DHX57: variants seen among roughly 807,000 people sequenced by gnomAD.
DHX57 encodes the protein DExH-box helicase 57, also known as putative ATP-dependent RNA helicase DHX57.
Under a neutral mutation model 156.2 loss-of-function variants are expected in DHX57, and 105 were observed. The observed-to-expected ratio is 0.67, with a 90% CI of 0.57 to 0.79. The LOEUF (loss-of-function observed/expected upper bound fraction) is 0.79. Ranked by LOEUF, DHX57 falls within the 30% of genes least tolerant of loss-of-function variation. The pLI is 0.00. For synonymous variants in DHX57, 704 were observed against 595.6 expected, an observed-to-expected ratio of 1.18 and a Z score of -2.65; for missense variants, 1,847 against 1,661.9, an observed-to-expected ratio of 1.11 and a Z score of -1.94.
At chr2:38,851,642 TCTC>T (rs2124904045) in intron 9 of DHX57, among the ~76,000 whole-genome samples, 1 of 152,314 alleles carries the variant, frequency 6.6e-6, no homozygotes, top group Admixed American at 6.5e-5. Flanking sequence ...TAAAAATCTT[TCTC>T]CTATTTTAGC....
chr2:38,816,802 C>G (rs1266601937), intron 19 of DHX57, among the ~76,000 whole-genome samples: 2 of 151,964 alleles, frequency 1.3e-5, no homozygotes, highest in African/African-American at 4.8e-5. Flanking sequence ...TAATTGAAAT[C>G]TTAATAAAAA....
chr2:38,836,828 T>C (rs1159566431), intron 13 of DHX57, among the ~76,000 whole-genome samples: 1 of 147,572 alleles, frequency 6.8e-6, no homozygotes, highest in Non-Finnish European at 1.5e-5. Context: ...ATGTAATACA[T>C]ATGACATACA....
At chr2:38,874,158 C>T (rs979913076) in intron 1 of DHX57, among the ~76,000 whole-genome samples, 1 of 151,982 alleles carries the variant, frequency 6.6e-6, no homozygotes, top group Admixed American at 6.6e-5. Flanking sequence ...GTGGTACGAT[C>T]ATAGCTTACT....
intron 9 of DHX57, among the ~76,000 whole-genome samples, chr2:38,851,736 C>A (rs1672603077): frequency 1.3e-5 from 2 of 152,308 alleles, no homozygotes; most frequent in South Asian, 4.1e-4. Flanking sequence ...AGCTACTCTT[C>A]ATATTCAAAA....
chr2:38,806,194 G>A (rs1669927749), intron 22 of DHX57, among the ~76,000 whole-genome samples: 1 of 152,170 alleles, frequency 6.6e-6, no homozygotes, highest in Non-Finnish European at 1.5e-5. Flanking sequence ...GGTGGGGGCA[G>A]AAGCCTCAGT....
intron 6 of DHX57, among the ~76,000 whole-genome samples, 198 bp downstream of exon 6, chr2:38,858,463 C>G (rs947338344): frequency 2.0e-5 from 3 of 152,140 alleles, no homozygotes; most frequent in African/African-American, 4.8e-5. Flanking sequence ...TGTGTGTTTG[C>G]TATGTACCAG....
intron 21 of DHX57, among the ~76,000 whole-genome samples, chr2:38,809,671 G>C (rs949878119): frequency 5.3e-5 from 8 of 151,816 alleles, no homozygotes; most frequent in Non-Finnish European, 5.9e-5. Context: ...CACCATATTG[G>C]CCAGGCTGAT....
intron 17 of DHX57, among the ~76,000 whole-genome samples, chr2:38,821,716 G>T (rs1244053973): frequency 6.6e-6 from 1 of 151,886 alleles, no homozygotes; most frequent in African/African-American, 2.4e-5. Flanking sequence ...AAAACCAAAA[G>T]TTGATTCTCT....
At chr2:38,833,107 A>G (rs545219191) in intron 13 of DHX57, among the ~76,000 whole-genome samples, 3 of 151,538 alleles carry the variant, frequency 2.0e-5, no homozygotes, top group African/African-American at 2.4e-5. Flanking sequence ...CAAAACTCCA[A>G]TTTCAGACAG....
At position 38,843,149 on chromosome 2, in the gene DHX57, G is replaced by C. The variant is rs576017775; in HGVS notation, c.2281C>G (p.Leu761Val). 59 of 1,614,166 alleles carry C rather than the reference G, an allele frequency of 3.7e-5. No individual in the cohort carries two copies. The East Asian group carries it at 1.2e-3, about 32-fold the overall frequency. The change falls in exon 12 of 24, where the codon CTT becomes GTT. Residue 761 changes from leucine to valine, a missense_variant. Leu to Val is a conservative substitution (Grantham distance 32). Transcript: ENST00000457308. ...RSMKQISKEK[L>V]KARRNRTAFE... is the part of the protein sequence containing the mutation. ...GCAGTTCTGTTCCGCCTTGCTTTAAGCTTTTCCTTTGAAATCTGTTTCATG... is the reference window on the plus strand; with the variant it reads ...GCAGTTCTGTTCCGCCTTGCTTTAACCTTTTCCTTTGAAATCTGTTTCATG...
At chr2:38,815,741 A>G (rs749186765) in intron 19 of DHX57, 86 bp from the exon 20 acceptor site, 34 of 1,548,404 alleles carry the variant, frequency 2.2e-5, no homozygotes, top group Non-Finnish European at 2.9e-5. Context: ...ATAAAAATGC[A>G]TTATTTCAGG....
chr2:38,826,564 A>T lies in DHX57; in HGVS notation c.2765T>A (p.Ile922Asn). Reference sequence around the variant, plus strand: ...ATCGATAACATAGACAACATCATCGATGGTTATGGATGTCTCAGCAATGTT... The same window carrying T: ...ATCGATAACATAGACAACATCATCGTTGGTTATGGATGTCTCAGCAATGTT... ...STNIAETSITIDDVVYVIDSG... is the reference protein window; with the variant it reads ...STNIAETSITNDDVVYVIDSG... Residue 922 changes from isoleucine (I) to asparagine (N), a missense_variant, in exon 15 of 24, where the codon ATC becomes AAC. Physicochemically the swap from Ile to Asn is moderately radical, Grantham distance 149. Coordinates refer to ENST00000457308, the MANE Select transcript of DHX57 (RefSeq NM_198963.3). 6.2e-7 allele frequency: 1 copy of T among 1,614,116 alleles called. No individual in the cohort carries two copies. Among genetic ancestry groups the T allele is most frequent in the Non-Finnish European group, 8.5e-7 (1 of 1,180,018 alleles).
At chr2:38,837,611 C>CA (rs55733950) in intron 13 of DHX57, among the ~76,000 whole-genome samples, 10 of 50,354 alleles carry the variant, frequency 2.0e-4, no homozygotes, top group African/African-American at 5.7e-4. Context: ...AACCCCGTCT[C>CA]AAAAAAAAAA....
chr2:38,874,735 T>C (rs748319831), intron 1 of DHX57, among the ~76,000 whole-genome samples: 3 of 152,164 alleles, frequency 2.0e-5, no homozygotes, highest in Non-Finnish European at 2.9e-5. Context: ...CAATCTGTGT[T>C]GGGTTGGGAA....
chr2:38,869,405 T>C (rs1017563098), intron 1 of DHX57, among the ~76,000 whole-genome samples: 1 of 152,212 alleles, frequency 6.6e-6, no homozygotes, highest in Non-Finnish European at 1.5e-5. Context: ...GCCAACTAGT[T>C]TGCAGGAAGC....
chr2:38,806,368 T>G (rs1669934995), intron 22 of DHX57, 191 bp downstream of exon 22: 1 of 590,948 alleles, frequency 1.7e-6, no homozygotes, highest in Non-Finnish European at 2.7e-6. Context: ...TCAGTAGAAT[T>G]TTCTTCAAAT....
chr2:38,863,926 T>G (rs1664903880), intron 2 of DHX57, among the ~76,000 whole-genome samples: 1 of 151,908 alleles, frequency 6.6e-6, no homozygotes, highest in Non-Finnish European at 1.5e-5. Flanking sequence ...GGCAGGAGAA[T>G]CACTTGAACT....
chr2:38,848,725 C>T (rs1672421156), intron 9 of DHX57, among the ~76,000 whole-genome samples: 1 of 152,092 alleles, frequency 6.6e-6, no homozygotes, highest in Non-Finnish European at 1.5e-5. Context: ...TTCATATATA[C>T]CTTATATACA....
In DHX57 at chr2:38,861,576, C is replaced by T; in HGVS notation, c.834G>A (p.Leu278=). Residue 278 remains leucine, a synonymous_variant, in exon 5 of 24, where the codon CTG becomes CTA. Coordinates refer to ENST00000457308, the MANE Select transcript of DHX57 (RefSeq NM_198963.3). ...TGCGGAATCTACTTGTCAGATACTC[C>T]AGTTCTAACCCAATGGTCCAGACTC... The part of the protein sequence containing the change: ...QNRVWTIGLE[L]EYLTSRFRKS... 1 of 1,614,136 alleles carries T rather than the reference C, an allele frequency of 6.2e-7. No homozygotes were observed. The highest frequency in any genetic ancestry group is 8.5e-7 in the Non-Finnish European group (1 of 1,180,034).
Sources: gnomAD v4.1 joint callset for allele counts (sites outside exome capture counted in the v4.1 genomes callset) on GRCh38, gnomAD v4.1.1 for gene constraint, MANE v1.5 for transcripts, NCBI Gene and HGNC (gene_info 2026-07-23, HGNC 2026-07-21) for gene names.